Variants in SMPX observed in about 807,000 individuals in gnomAD.
SMPX encodes the protein small muscular protein.
A neutral mutation model predicts 6.3 loss-of-function variants in SMPX; 2 were observed. The observed-to-expected ratio is 0.32, with a 90% CI of 0.13 to 0.99. The LOEUF (loss-of-function observed/expected upper bound fraction) is 0.99. Among genes scored for constraint, SMPX ranks in the 50% least tolerant of loss-of-function variants. The probability of loss-of-function intolerance (pLI) is 0.49; values close to 1 mark genes in which losing one functional copy is unlikely to be tolerated. For missense variants in SMPX, 60 were observed against 66.8 expected, an observed-to-expected ratio of 0.90 and a Z score of 0.36; for synonymous variants, 32 against 24.7, an observed-to-expected ratio of 1.30 and a Z score of -0.88.
chrX:21,748,259 C>T (rs770187058), intron 2 of SMPX, among the ~76,000 whole-genome samples: 2 of 112,088 alleles, frequency 1.8e-5, no homozygotes, highest in East Asian at 5.6e-4. Context: ...AACTTTCCCA[C>T]ACAACACAAT....
At chrX:21,752,420 C>A (rs1197487187) in intron 2 of SMPX, among the ~76,000 whole-genome samples, 1 of 112,047 alleles carries the variant, frequency 8.9e-6, no homozygotes, top group Non-Finnish European at 1.9e-5. Flanking sequence ...TTACTTCTCA[C>A]AACTTTAACA....
In SMPX at chrX:21,743,796, G is replaced by A; in HGVS notation, c.86C>T (p.Ala29Val). 3 of 1,209,318 alleles carry A rather than the reference G, an allele frequency of 2.5e-6. No homozygotes were observed. The highest frequency in any genetic ancestry group is 3.5e-5 in the South Asian group (2 of 56,902). The stretch of plus-strand genomic sequence containing the variant: ...TTCTTTTCTTCTGGGGGGTTGACCT[G>A]CTCCTGGCCGAAAGGCTCCCATTGG... The part of the protein sequence containing the change: ...NIPMGAFRPG[A>V]GQPPRRKECT... The change falls in exon 3 of 5, where the codon GCA becomes GTA. Residue 29 changes from alanine (A) to valine (V), a missense_variant. Physicochemically the swap from Ala to Val is moderately conservative, Grantham distance 64. Coordinates refer to ENST00000379494, the MANE Select transcript of SMPX (RefSeq NM_014332.3).
intron 1 of SMPX, among the ~76,000 whole-genome samples, chrX:21,756,038 G>A (rs1312866009): frequency 2.5e-4 from 28 of 112,130 alleles, no homozygotes; most frequent in Non-Finnish European, 1.9e-5. Context: ...AAAAAGAAAA[G>A]CTTCGTGGCT....
At chrX:21,717,170 G>A (rs1485711191) in intron 4 of SMPX, among the ~76,000 whole-genome samples, 3 of 111,941 alleles carry the variant, frequency 2.7e-5, no homozygotes, top group South Asian at 3.8e-4. Context: ...CCCACATGTC[G>A]TGGGAGGGAC....
intron 4 of SMPX, among the ~76,000 whole-genome samples, chrX:21,731,543 G>GTATGTGTATATATACACATTATGTGTA (rs1569306573): frequency 4.0e-5 from 3 of 75,194 alleles, no homozygotes; most frequent in East Asian, 5.3e-4. Context: ...CATTATGTGT[G>GTATGTGTATATATACACATTATGTGTA]TATGTGTATA....
intron 2 of SMPX, among the ~76,000 whole-genome samples, chrX:21,747,271 G>A (rs1360847692): frequency 9.1e-6 from 1 of 109,986 alleles, no homozygotes; most frequent in Non-Finnish European, 1.9e-5. Context: ...ATTCATTTTA[G>A]AGATTTAAAA....
intron 4 of SMPX, among the ~76,000 whole-genome samples, chrX:21,708,236 A>G (rs931404882): frequency 8.9e-6 from 1 of 112,154 alleles, no homozygotes; most frequent in Non-Finnish European, 1.9e-5. Flanking sequence ...CTGGTTTGGC[A>G]CCCTCCATAA....
At chrX:21,727,049 G>A (rs774243668) in intron 4 of SMPX, among the ~76,000 whole-genome samples, 1 of 112,525 alleles carries the variant, frequency 8.9e-6, no homozygotes, top group South Asian at 3.7e-4. Flanking sequence ...TAGACTGTGA[G>A]TCCCTTGAGG....
intron 3 of SMPX, among the ~76,000 whole-genome samples, chrX:21,738,906 C>T (rs940520435): frequency 2.7e-5 from 3 of 111,361 alleles, no homozygotes; most frequent in African/African-American, 9.8e-5. Context: ...TCCCATTTTT[C>T]CTTACAAGTG....
At chrX:21,709,771 T>C (rs1288866723) in intron 4 of SMPX, among the ~76,000 whole-genome samples, 1 of 112,105 alleles carries the variant, frequency 8.9e-6, no homozygotes, top group African/African-American at 3.2e-5. Flanking sequence ...GTCACTGTGC[T>C]GGATGACATA....
At chrX:21,725,693 C>G (rs1009025092) in intron 4 of SMPX, among the ~76,000 whole-genome samples, 2 of 112,297 alleles carry the variant, frequency 1.8e-5, no homozygotes, top group South Asian at 3.7e-4. Flanking sequence ...AGAAAGAGGA[C>G]AGTTGCAGGT....
chrX:21,711,810 G>A (rs1397708719), intron 4 of SMPX, among the ~76,000 whole-genome samples: 2 of 112,060 alleles, frequency 1.8e-5, no homozygotes, highest in Admixed American at 1.9e-4. Context: ...AGTGACACTC[G>A]AAAGTACTTG....
chrX:21,755,187 G>A (rs569800867), intron 1 of SMPX, among the ~76,000 whole-genome samples: 3 of 112,396 alleles, frequency 2.7e-5, no homozygotes, highest in African/African-American at 9.7e-5. Flanking sequence ...TTGTAGCTAG[G>A]CCTATTAAAT....
chrX:21,742,834 T>A (rs765287087), intron 3 of SMPX, among the ~76,000 whole-genome samples: 1 of 112,592 alleles, frequency 8.9e-6, no homozygotes, highest in Non-Finnish European at 1.9e-5. Flanking sequence ...ACCAAAAATG[T>A]CACTTGGTAA....
At chrX:21,715,178 G>T (rs962881346) in intron 4 of SMPX, among the ~76,000 whole-genome samples, 1 of 111,276 alleles carries the variant, frequency 9.0e-6, no homozygotes, top group African/African-American at 3.3e-5. Flanking sequence ...GTCAAATAAA[G>T]AAGGATGTTT....
At chrX:21,739,641 C>G (rs2092814083) in intron 3 of SMPX, among the ~76,000 whole-genome samples, 1 of 112,113 alleles carries the variant, frequency 8.9e-6, no homozygotes, top group African/African-American at 3.2e-5. Flanking sequence ...CTTTGCTATG[C>G]TTTCAGAAAG....
At chrX:21,749,484 TC>T (rs1284010692) in intron 2 of SMPX, among the ~76,000 whole-genome samples, 1 of 111,855 alleles carries the variant, frequency 8.9e-6, no homozygotes, top group Non-Finnish European at 1.9e-5. Context: ...CTTATGATTA[TC>T]CTTGAGATGG....
intron 2 of SMPX, among the ~76,000 whole-genome samples, chrX:21,746,771 T>C (rs1012407734): frequency 2.7e-5 from 3 of 109,884 alleles, no homozygotes; most frequent in African/African-American, 1.0e-4. Flanking sequence ...CTTTGTCAGT[T>C]GTGGCATGCA....
At chrX:21,729,752 A>G (rs2092801281) in intron 4 of SMPX, among the ~76,000 whole-genome samples, 2 of 110,517 alleles carry the variant, frequency 1.8e-5, no homozygotes, top group South Asian at 7.7e-4. Flanking sequence ...ACCAATTCCA[A>G]TTTCTTCCTG....
Sources: allele counts gnomAD v4.1 joint callset (sites outside exome capture counted in the v4.1 genomes callset), GRCh38; gene constraint gnomAD v4.1.1; transcripts MANE v1.5; gene names NCBI Gene and HGNC (gene_info 2026-07-23, HGNC 2026-07-21).